ZNF831: variants seen among roughly 807,000 people sequenced by gnomAD.
The protein encoded by ZNF831 is zinc finger protein 831, also known as chromosome 20 open reading frame 174.
ZNF831 carries 59 observed loss-of-function variants against 95.8 expected under a neutral mutation model. The ratio of observed to expected loss-of-function variants is 0.62; its 90% confidence interval spans 0.50 to 0.77. The LOEUF is 0.77. Ranked by LOEUF, ZNF831 falls within the 30% of genes least tolerant of loss-of-function variation. The pLI, the probability that ZNF831 is intolerant of heterozygous loss-of-function variation, is 0.00. For missense variants in ZNF831, 2,205 were observed against 2,164.0 expected (o/e 1.02, Z -0.38); for synonymous variants, 961 against 925.5 (o/e 1.04, Z -0.70).
upstream of ZNF831, chr20:59,160,800 G>GC (rs1980806741): frequency 7.5e-6 from 1 of 133,668 alleles, no homozygotes; most frequent in African/African-American, 3.4e-5. Flanking sequence ...TGGTTTTGCT[G>GC]CTTTTTTTTT....
chr20:59,180,164 C>T (rs944815060), intron 1 of ZNF831, among the ~76,000 whole-genome samples: 7 of 151,952 alleles, frequency 4.6e-5, no homozygotes, highest in Non-Finnish European at 8.8e-5. Flanking sequence ...CCTAGCTCAC[C>T]GTAGCCTCAA....
At chr20:59,133,436 T>A (rs2146437818) in intron 1 of ZNF831, among the ~76,000 whole-genome samples, 1 of 152,336 alleles carries the variant, frequency 6.6e-6, no homozygotes. Context: ...CAAGTTCTTA[T>A]CCAAACTCAA....
rs1410259875 is a variant in ZNF831, at chr20:59,192,302, G to A, written c.1283G>A (p.Arg428Gln). The A allele has an allele frequency of 1.3e-6, 2 of 1,590,982 alleles. No homozygotes were observed. The highest frequency in any genetic ancestry group is 1.1e-5 in the South Asian group (1 of 87,922). The change falls in exon 2 of 6, where the codon CGG (arginine) becomes CAG (glutamine). Residue 428 changes from arginine to glutamine, a missense_variant. Transcript: ENST00000371030. This position sits in a 1 kb window ranked among gnomAD's most constrained non-coding sequence, Gnocchi z 5.2. The stretch of plus-strand genomic sequence containing the variant: ...GACGATGCCCAGCTGGACAACGTGC[G>A]GCCCCGGAAGACCGGGCTGTCCAAA... The part of the protein sequence containing the change: ...VVDDAQLDNV[R>Q]PRKTGLSKQG...
rs758568158 is a variant in ZNF831 at position 59,207,047 on chromosome 20, G to A, written c.4018G>A (p.Glu1340Lys). 2.5e-6 allele frequency: 4 copies of A among 1,613,958 alleles called. No individual in the cohort carries two copies. Among genetic ancestry groups the A allele is most frequent in the African/African-American group, 1.3e-5 (1 of 74,924 alleles). ...CAGGACCCCTGGGCAGACCTCTTCA[G>A]AAATAGCAGGTAATGCTCTCTTTGG... ...PCRTPGQTSS[E>K]IAGLNLQEEP... is the part of the protein sequence containing the mutation. The change falls in exon 4 of 6, where the codon GAA becomes AAA. Residue 1340 changes from glutamate (E) to lysine (K), a missense_variant. Physicochemically the swap from Glu to Lys is moderately conservative, Grantham distance 56. Coordinates refer to ENST00000371030, the MANE Select transcript of ZNF831 (RefSeq NM_178457.3).
intron 1 of ZNF831, among the ~76,000 whole-genome samples, chr20:59,132,018 G>A (rs1979364639): frequency 6.6e-6 from 1 of 152,202 alleles, no homozygotes; most frequent in African/African-American, 2.4e-5. Flanking sequence ...TCCACATAGG[G>A]GTAACATTCT....
At chr20:59,185,466 C>T (rs535499976) in intron 1 of ZNF831, among the ~76,000 whole-genome samples, 2 of 152,284 alleles carry the variant, frequency 1.3e-5, no homozygotes, top group South Asian at 2.1e-4. Context: ...CTCCCCCTAC[C>T]CCCAGGTTGG....
intron 1 of ZNF831, among the ~76,000 whole-genome samples, chr20:59,124,108 G>T (rs896458183): frequency 1.3e-5 from 2 of 152,144 alleles, no homozygotes; most frequent in Non-Finnish European, 2.9e-5. Flanking sequence ...ATCTGTGTTG[G>T]TGGCAATGTC....
chr20:59,147,647 C>T (rs1281314356), intron 2 of ZNF831, among the ~76,000 whole-genome samples: 3 of 152,162 alleles, frequency 2.0e-5, no homozygotes, highest in East Asian at 1.9e-4. Context: ...AAGAATGAGG[C>T]CCCCCTCATC....
intron 1 of ZNF831, among the ~76,000 whole-genome samples, chr20:59,187,356 G>A (rs186226292): frequency 2.6e-4 from 40 of 152,256 alleles, no homozygotes; most frequent in Admixed American, 4.6e-4. Flanking sequence ...GGACCCCAGA[G>A]AGCTCCACTG....
upstream of ZNF831, among the ~76,000 whole-genome samples, chr20:59,163,018 TGTG>T (rs1568732566): frequency 1.8e-4 from 25 of 136,096 alleles, no homozygotes; most frequent in African/African-American, 7.2e-4. Context: ...TTCCTAGGTG[TGTG>T]TGTGTGTGTG....
chr20:59,191,301 G>A lies in ZNF831; in HGVS notation c.282G>A (p.Val94=), dbSNP rs7264193. 8,329 of 1,591,480 alleles carry A rather than the reference G, an allele frequency of 5.2e-3. 391 individuals are homozygous for A. In the African/African-American group the frequency reaches 0.099, roughly 19 times the overall value. ...GGNVPFILSP[V]LQPEGPGPTQ... is the part of the protein sequence containing the mutation. ...ACGTGCCCTTCATACTCAGCCCTGTGCTGCAGCCTGAAGGGCCTGGCCCCA... is the reference window on the plus strand; with the variant it reads ...ACGTGCCCTTCATACTCAGCCCTGTACTGCAGCCTGAAGGGCCTGGCCCCA... Residue 94 remains valine, a synonymous_variant, in exon 2 of 6, where the codon GTG becomes GTA. Coordinates refer to ENST00000371030, the MANE Select transcript of ZNF831 (RefSeq NM_178457.3).
intron 4 of ZNF831, among the ~76,000 whole-genome samples, chr20:59,216,882 G>A (rs372615126): frequency 9.2e-5 from 14 of 152,058 alleles, no homozygotes; most frequent in African/African-American, 3.1e-4. Context: ...AAGAATTGGG[G>A]TAAATAGAGT....
At position 59,188,688 on chromosome 20, in the gene ZNF831, T is replaced by TA. The variant is rs541394483; in HGVS notation, c.-36-2296_-36-2295insA. Reference sequence around the variant, plus strand: ...TAAATAAATAAATAAATAAATAAATTGGGTTGTCTTTTGTTATTGCATTGT... The same window carrying TA: ...TAAATAAATAAATAAATAAATAAATTAGGGTTGTCTTTTGTTATTGCATTGT... On this transcript the variant is annotated intron_variant, in intron 1 of 5. Coordinates refer to ENST00000371030, the MANE Select transcript of ZNF831 (RefSeq NM_178457.3). Among the ~76,000 whole-genome samples the TA allele has an allele frequency of 3.6e-3, 515 of 144,602 alleles. 2 individuals are homozygous for TA. Among genetic ancestry groups the TA allele is most frequent in the African/African-American group, 0.012 (496 of 39,940 alleles). The allele number at this position is 144,602 out of a possible 152,430, so 94.9% of individuals were successfully genotyped here. A position where few individuals can be genotyped will look rare whatever the true frequency, so the allele number is the denominator to read the frequency against.
rs902717723 is a variant in ZNF831 at position 59,254,775 on chromosome 20, A to G, written c.*32A>G. Reference sequence around the variant, plus strand: ...CAGAGAAACATGGTGTCTGGTCAAAAAGACTGTTGACGCTTCACAAGTAAA... The same window carrying G: ...CAGAGAAACATGGTGTCTGGTCAAAGAGACTGTTGACGCTTCACAAGTAAA... On this transcript the variant is annotated 3_prime_UTR_variant, in exon 6 of 6. Coordinates refer to ENST00000371030, the MANE Select transcript of ZNF831 (RefSeq NM_178457.3). This position sits in a 1 kb window ranked among gnomAD's most constrained non-coding sequence, Gnocchi z 4.5. 2 of 1,570,642 alleles carry G rather than the reference A, an allele frequency of 1.3e-6. No individual in the cohort carries two copies. The highest frequency in any genetic ancestry group is 1.7e-6 in the Non-Finnish European group (2 of 1,163,494).
chr20:59,229,165 T>G (rs139152799), intron 4 of ZNF831, among the ~76,000 whole-genome samples: 5,257 of 152,336 alleles, frequency 0.035, 134 homozygotes, highest in Non-Finnish European at 0.053. Context: ...TGAATAATAT[T>G]CCATTGTGTA....
intron 1 of ZNF831, among the ~76,000 whole-genome samples, chr20:59,176,985 C>T (rs1339100425): frequency 6.8e-6 from 1 of 147,544 alleles, no homozygotes; most frequent in African/African-American, 2.6e-5. Flanking sequence ...TCCAACACAG[C>T]CAGGCCCATA....
intron 4 of ZNF831, among the ~76,000 whole-genome samples, chr20:59,209,544 G>A (rs1201358516): frequency 2.6e-5 from 4 of 152,144 alleles, no homozygotes; most frequent in Non-Finnish European, 5.9e-5. Context: ...GCACATGCTG[G>A]GCCCCCAGAA....
chr20:59,145,909 C>T (rs1367464123), intron 1 of ZNF831, among the ~76,000 whole-genome samples: 1 of 152,140 alleles, frequency 6.6e-6, no homozygotes, highest in Non-Finnish European at 1.5e-5. Flanking sequence ...AGGAGAGGTG[C>T]AAGGGGAAAG....
intron 1 of ZNF831, among the ~76,000 whole-genome samples, chr20:59,187,901 G>A (rs371452675): frequency 4.6e-5 from 7 of 152,290 alleles, no homozygotes; most frequent in East Asian, 1.9e-4. Flanking sequence ...TATAAAACAC[G>A]TGATATTTTG....
Sources: allele counts gnomAD v4.1 joint callset (sites outside exome capture counted in the v4.1 genomes callset), GRCh38; gene constraint gnomAD v4.1.1; non-coding constraint Gnocchi (gnomAD v3.1); transcripts MANE v1.5; gene names NCBI Gene and HGNC (gene_info 2026-07-23, HGNC 2026-07-21).